Variants in ASIC2 observed in about 807,000 individuals in gnomAD.
The protein encoded by ASIC2 is acid sensing ion channel subunit 2, also known as acid-sensing ion channel 2.
A neutral mutation model predicts 57.3 loss-of-function variants in ASIC2; 25 were observed. That is an observed-to-expected ratio of 0.44 (90% CI 0.32 to 0.61). The LOEUF (loss-of-function observed/expected upper bound fraction) is 0.61. Ranked by LOEUF, ASIC2 falls within the 20% of genes least tolerant of loss-of-function variation. The pLI, the probability that ASIC2 is intolerant of heterozygous loss-of-function variation, is 0.06. For synonymous variants in ASIC2, 319 were observed against 307.5 expected, an observed-to-expected ratio of 1.04 and a Z score of -0.39; for missense variants, 641 against 738.1, an observed-to-expected ratio of 0.87 and a Z score of 1.52.
upstream of ASIC2, among the ~76,000 whole-genome samples, chr17:33,294,153 T>G (rs1179874494): frequency 6.6e-6 from 1 of 152,086 alleles, no homozygotes; most frequent in Admixed American, 6.5e-5. Flanking sequence ...ACTCCATCTT[T>G]CCCATTCCCC....
chr17:33,458,850 C>A (rs918169292), intron 1 of ASIC2, among the ~76,000 whole-genome samples: 1 of 152,072 alleles, frequency 6.6e-6, no homozygotes, highest in South Asian at 2.1e-4. Context: ...CTTTAATTTT[C>A]TTTTCCTTCA....
In ASIC2 at chr17:33,268,381, C is replaced by G. The variant is rs1013972130; in HGVS notation, c.708+23027G>C. ...TCCATCCATCCATCCATCCATCCATCCATCCATCCATCTATACATTTATCC... is the reference window on the plus strand; with the variant it reads ...TCCATCCATCCATCCATCCATCCATGCATCCATCCATCTATACATTTATCC... On this transcript the variant is annotated intron_variant, in intron 1 of 9. Coordinates refer to ENST00000225823, the MANE Select transcript of ASIC2 (RefSeq NM_183377.2). Among the ~76,000 whole-genome samples, 32 of 151,784 alleles carry G rather than the reference C, an allele frequency of 2.1e-4. No individual in the cohort carries two copies. The East Asian group carries it at 2.7e-3, about 13-fold the overall frequency.
chr17:33,292,108 C>A lies in ASIC2; in HGVS notation c.8G>T (p.Arg3Leu). 1 of 1,044,404 alleles carries A rather than the reference C, an allele frequency of 9.6e-7. No homozygotes were observed. Among genetic ancestry groups the A allele is most frequent in the Non-Finnish European group, 1.1e-6 (1 of 870,632 alleles). 64.7% of individuals were successfully genotyped at this position (1,044,404 alleles called of 1,614,324 possible). A position where few individuals can be genotyped will look rare whatever the true frequency, so the allele number is the denominator to read the frequency against. The change falls in exon 1 of 10, where the codon CGG becomes CTG. Residue 3 changes from arginine (R) to leucine (L), a missense_variant. Coordinates refer to ENST00000225823, the MANE Select transcript of ASIC2 (RefSeq NM_183377.2). The part of the protein sequence containing the change: MS[R>L]IGGAGLPAAA... ...TGCGGGCAGCCCGGCTCCGCCAATC[C>A]GGCTCATTCATTCAGCCCGCGGCTG...
At chr17:33,323,366 A>G (rs1217711251) in intron 1 of ASIC2, among the ~76,000 whole-genome samples, 6 of 152,208 alleles carry the variant, frequency 3.9e-5, no homozygotes, top group Non-Finnish European at 2.9e-5. Flanking sequence ...TGAATGATCC[A>G]TGACTACAGG....
chr17:33,718,000 G>C (rs1052237720), intron 1 of ASIC2, among the ~76,000 whole-genome samples: 2 of 152,106 alleles, frequency 1.3e-5, no homozygotes, highest in African/African-American at 4.8e-5. Flanking sequence ...GTGTGAAGCT[G>C]TTTCTACCAT....
At chr17:33,758,888 G>C (rs918850409) in intron 1 of ASIC2, among the ~76,000 whole-genome samples, 3 of 144,850 alleles carry the variant, frequency 2.1e-5, no homozygotes, top group Non-Finnish European at 4.5e-5. Flanking sequence ...CAAGTATTCT[G>C]TTATCAGCAA....
intron 1 of ASIC2, among the ~76,000 whole-genome samples, chr17:33,422,915 T>C (rs115813898): frequency 6.6e-6 from 1 of 152,110 alleles, no homozygotes; most frequent in Non-Finnish European, 1.5e-5. Context: ...AGGAAGGTGA[T>C]GTCAGCAGAG....
chr17:33,955,562 T>TC (rs1904708464), intron 1 of ASIC2: 1 of 152,200 alleles, frequency 6.6e-6, no homozygotes, highest in African/African-American at 2.4e-5. Flanking sequence ...TATGTTTTTT[T>TC]CAACACTTGC....
Position 34,006,166 on chromosome 17 carries a change from C to T in ASIC2, c.555+149812G>A, listed in dbSNP as rs1906517600. Reference sequence around the variant, plus strand: ...TGCTAGAAGGGGATTACTTAGGATTCTCCTAAGAGGCTTCTCTGAGGCGAT... The same window carrying T: ...TGCTAGAAGGGGATTACTTAGGATTTTCCTAAGAGGCTTCTCTGAGGCGAT... On this transcript the variant is annotated intron_variant, in intron 1 of 9. Transcript: ENST00000359872. 3 of 152,272 alleles carry T rather than the reference C, an allele frequency of 2.0e-5. No individual in the cohort carries two copies. The South Asian group carries it at 6.2e-4, about 32-fold the overall frequency. 9.4% of individuals were successfully genotyped at this position (152,272 alleles called of 1,614,324 possible). A position where few individuals can be genotyped will look rare whatever the true frequency, so the allele number is the denominator to read the frequency against.
intron 1 of ASIC2, among the ~76,000 whole-genome samples, chr17:33,701,513 C>T (rs972298298): frequency 6.6e-6 from 1 of 152,164 alleles, no homozygotes; most frequent in African/African-American, 2.4e-5. Flanking sequence ...ACACAAGGGA[C>T]AGGAAGTAGG....
intron 1 of ASIC2, among the ~76,000 whole-genome samples, chr17:33,645,831 G>A (rs970865267): frequency 1.3e-5 from 2 of 152,114 alleles, no homozygotes; most frequent in African/African-American, 2.4e-5. Context: ...TGCAGGGATA[G>A]TGGAAATGCC....
At chr17:33,038,106 G>A (rs562699792) in intron 3 of ASIC2, among the ~76,000 whole-genome samples, 1 of 152,232 alleles carries the variant, frequency 6.6e-6, no homozygotes, top group South Asian at 2.1e-4. Context: ...TGTGACTTTG[G>A]GTAAGCTACA....
chr17:33,508,677 G>A (rs1914340639), intron 1 of ASIC2, among the ~76,000 whole-genome samples: 1 of 152,180 alleles, frequency 6.6e-6, no homozygotes, highest in South Asian at 2.1e-4. Context: ...TGATGTGGCA[G>A]GTAGGAGCTT....
chr17:33,553,001 G>C (rs1567647973), intron 1 of ASIC2, among the ~76,000 whole-genome samples: 1 of 152,180 alleles, frequency 6.6e-6, no homozygotes. Context: ...CTGTAGAAGA[G>C]GGGCTCTGAG....
chr17:33,174,149 C>T (rs1041298352), intron 1 of ASIC2, among the ~76,000 whole-genome samples: 8 of 152,246 alleles, frequency 5.3e-5, no homozygotes, highest in South Asian at 2.1e-4. Flanking sequence ...GGGCCAGGCA[C>T]GGTGGTTCAC....
intron 1 of ASIC2, among the ~76,000 whole-genome samples, chr17:33,372,267 G>T (rs934444636): frequency 2.0e-5 from 3 of 151,992 alleles, no homozygotes; most frequent in African/African-American, 2.4e-5. Context: ...TAGGTAGCTG[G>T]TGTTAGCACA....
Position 33,732,686 on chromosome 17 carries a change from G to T in ASIC2, c.555+423292C>A, listed in dbSNP as rs574918689. On this transcript the variant is annotated intron_variant, in intron 1 of 9. Coordinates refer to the ASIC2 transcript ENST00000359872. ...GAGTCTTGCTCTTGTTGCCCAGGCT[G>T]GAGTGCAGTGGTGAGATCTCAGCTC... Among the ~76,000 whole-genome samples, 67 of 151,854 alleles carry T rather than the reference G, an allele frequency of 4.4e-4. 1 individual carries two copies. The highest frequency in any genetic ancestry group is 3.8e-3 in the South Asian group (18 of 4,788).
At chr17:33,336,081 C>A (rs1183304627) in intron 1 of ASIC2, among the ~76,000 whole-genome samples, 1 of 152,070 alleles carries the variant, frequency 6.6e-6, no homozygotes, top group Non-Finnish European at 1.5e-5. Flanking sequence ...GAGTCACAGA[C>A]CTTGGTCTGC....
chr17:33,963,514 G>A (rs985089697), intron 1 of ASIC2, among the ~76,000 whole-genome samples: 5 of 152,186 alleles, frequency 3.3e-5, no homozygotes, highest in Admixed American at 1.3e-4. Context: ...GAGAGGGGAA[G>A]TAACTTAAAT....
Sources: gnomAD v4.1 joint callset for allele counts (sites outside exome capture counted in the v4.1 genomes callset) on GRCh38, gnomAD v4.1.1 for gene constraint, MANE v1.5 for transcripts, NCBI Gene and HGNC (gene_info 2026-07-23, HGNC 2026-07-21) for gene names.